Variants in YAE1 observed in about 807,000 individuals in gnomAD.
The protein encoded by YAE1 is protein YAE1 homolog.
In YAE1, 22 loss-of-function variants were observed where a neutral mutation model predicts 23.0. The ratio of observed to expected loss-of-function variants is 0.96; its 90% confidence interval spans 0.68 to 1.37. YAE1 has a LOEUF of 1.37. Among genes scored for constraint, YAE1 ranks in the 40% most tolerant of loss-of-function variants. The pLI, the probability that YAE1 is intolerant of heterozygous loss-of-function variation, is 0.00. For synonymous variants in YAE1, 101 were observed against 97.0 expected (o/e 1.04, Z -0.24); for missense variants, 260 against 262.1 (o/e 0.99, Z 0.06).
At chr7:39,570,113 C>T in intron 1 of YAE1, 1 of 966,702 alleles carries the variant, frequency 1.0e-6, no homozygotes, top group Non-Finnish European at 1.6e-6. Flanking sequence ...GCGTACGTTG[C>T]TCTGCCGCCT....
At chr7:39,591,107 T>G (rs564315395) in intron 2 of YAE1, among the ~76,000 whole-genome samples, 1 of 152,352 alleles carries the variant, frequency 6.6e-6, no homozygotes, top group East Asian at 1.9e-4. Flanking sequence ...GGTCATCTCT[T>G]TGTGTGCACA....
At position 39,591,690 on chromosome 7, in the gene YAE1, C is replaced by T. The variant is rs147759130; in HGVS notation, c.252-17927C>T. On this transcript the variant is annotated intron_variant, in intron 2 of 2. Coordinates refer to the YAE1 transcript ENST00000432096. ...ACTTACATTGATACGTTATTATCTC[C>T]GACAGTCCACAGTTTACATTAGCAT... Among the ~76,000 whole-genome samples, 15 of 151,254 alleles carry T rather than the reference C, an allele frequency of 9.9e-5. No homozygotes were observed. In the East Asian group the frequency reaches 1.4e-3, roughly 14 times the overall value.
In YAE1 at chr7:39,587,954, G is replaced by A. The variant is rs530071429; in HGVS notation, c.251+17327G>A. 2.5e-4 allele frequency among the ~76,000 whole-genome samples: 38 copies of A among 152,208 alleles called. 1 individual carries two copies. The highest frequency in any genetic ancestry group is 6.8e-3 in the Middle Eastern group (2 of 294). On this transcript the variant is annotated intron_variant, in intron 2 of 2. Transcript: ENST00000432096. ...CTACTTTTTAGTTTTTTAAAATCAC[G>A]ATTTAATCTCATTTAGTTTTCTTGG...
In YAE1 at chr7:39,605,848, T is replaced by C. The variant is rs1791122719; in HGVS notation, c.252-3769T>C. 1.3e-5 allele frequency among the ~76,000 whole-genome samples: 2 copies of C among 152,232 alleles called. 1 individual carries two copies. The highest frequency in any genetic ancestry group is 4.1e-4 in the South Asian group (2 of 4,832). On this transcript the variant is annotated intron_variant, in intron 2 of 2. Transcript: ENST00000432096. ...TAAATCGAGTATGTTCTCTAGATTA[T>C]CGTTTTTACTTCCTGCTGGGCTTTG...
downstream of YAE1, among the ~76,000 whole-genome samples, chr7:39,575,569 A>T (rs1391034981): frequency 1.1e-5 from 1 of 95,034 alleles, no homozygotes; most frequent in African/African-American, 7.2e-5. Flanking sequence ...AGAGAGAGAG[A>T]GAGAGAGAGT....
chr7:39,580,671 T>C (rs986747604), intron 2 of YAE1, among the ~76,000 whole-genome samples: 7 of 152,192 alleles, frequency 4.6e-5, no homozygotes, highest in Admixed American at 2.0e-4. Context: ...TTAGACCTCA[T>C]GGTCACAAGT....
chr7:39,580,231 A>G (rs567946748), intron 2 of YAE1, among the ~76,000 whole-genome samples: 12 of 152,324 alleles, frequency 7.9e-5, no homozygotes, highest in South Asian at 2.1e-4. Flanking sequence ...TAGACTTTCT[A>G]TCCTCCAAAC....
intron 1 of YAE1, chr7:39,569,779 A>G (rs952682612): frequency 2.5e-5 from 19 of 761,000 alleles, no homozygotes; most frequent in Non-Finnish European, 3.9e-5. Flanking sequence ...GAAACAAACC[A>G]TGATGAAACG....
At chr7:39,574,764 C>G (rs73375684), downstream of YAE1, among the ~76,000 whole-genome samples, 19,879 of 149,980 alleles carry the variant, frequency 0.13, 1,734 homozygotes, top group African/African-American at 0.25. Context: ...AATCCGACAG[C>G]CATGGTGTTA....
chr7:39,607,231 A>C (rs1306725895), intron 2 of YAE1, among the ~76,000 whole-genome samples: 1 of 152,128 alleles, frequency 6.6e-6, no homozygotes, highest in Non-Finnish European at 1.5e-5. Context: ...TGACCTCCCC[A>C]GTGTTGTCTA....
chr7:39,576,470 A>G (rs1346591014), downstream of YAE1, among the ~76,000 whole-genome samples: 1 of 152,144 alleles, frequency 6.6e-6, no homozygotes. Context: ...TCCATTCACC[A>G]TGCACACTAC....
rs1790586713 is a variant in YAE1 at position 39,572,478 on chromosome 7, G to C, written c.453G>C (p.Lys151Asn). Reference protein sequence around the residue: ...DLCHVVPAEKKIDEAKDERLC... With the variant: ...DLCHVVPAEKNIDEAKDERLC... ...GTCATGTAGTTCCAGCTGAGAAAAA[G>C]ATTGATGAAGCTAAAGATGAAAGAC... is the stretch of plus-strand genomic sequence containing the variant. Residue 151 changes from lysine (K) to asparagine (N), a missense_variant, in exon 3 of 3, where the codon AAG becomes AAC. By Grantham distance (94) the Lys-to-Asn change is moderately conservative. Coordinates refer to ENST00000223273, the MANE Select transcript of YAE1 (RefSeq NM_020192.5). The C allele has an allele frequency of 1.9e-6, 3 of 1,614,034 alleles. No individual in the cohort carries two copies. The highest frequency in any genetic ancestry group is 2.5e-6 in the Non-Finnish European group (3 of 1,179,996).
intron 2 of YAE1, among the ~76,000 whole-genome samples, chr7:39,590,376 A>G (rs1414793275): frequency 2.0e-5 from 3 of 152,188 alleles, no homozygotes; most frequent in African/African-American, 7.2e-5. Flanking sequence ...AGGGTTTTAT[A>G]TGGACTATGT....
At chr7:39,577,798 G>T (rs1432112291), downstream of YAE1, among the ~76,000 whole-genome samples, 1 of 152,246 alleles carries the variant, frequency 6.6e-6, no homozygotes, top group African/African-American at 2.4e-5. Flanking sequence ...CACGGTGCGG[G>T]ACTGGGAGGC....
chr7:39,569,753 C>T (rs1033201498), intron 1 of YAE1: 1 of 749,118 alleles, frequency 1.3e-6, no homozygotes, highest in Non-Finnish European at 2.5e-6. Context: ...ACGTACTACT[C>T]ATCTGAACAG....
rs1302610063 is a variant in YAE1, at chr7:39,570,510, G to A, written c.134G>A (p.Gly45Asp). 1.2e-6 allele frequency: 2 copies of A among 1,610,424 alleles called. No homozygotes were observed. Among genetic ancestry groups the A allele is most frequent in the South Asian group, 1.1e-5 (1 of 89,986 alleles). ...TTCTCCATTACTTATTTTTAGGAAG[G>A]TTATAGAGATGGAATAGATGCTGGC... is the stretch of plus-strand genomic sequence containing the variant. ...QSNMQRRVKE[G>D]YRDGIDAGKA... The change falls in exon 2 of 3, where the codon GGT (glycine) becomes GAT (aspartate). Residue 45 changes from glycine to aspartate, a missense_variant. Gly to Asp is a moderately conservative substitution (Grantham distance 94). Coordinates refer to ENST00000223273, the MANE Select transcript of YAE1 (RefSeq NM_020192.5).
At chr7:39,569,029 T>TCG (rs2115766475) in intron 1 of YAE1, among the ~76,000 whole-genome samples, 1 of 152,300 alleles carries the variant, frequency 6.6e-6, no homozygotes, top group Admixed American at 6.5e-5. Context: ...TGAGAAATAT[T>TCG]TTTCTCTAAA....
downstream of YAE1, among the ~76,000 whole-genome samples, chr7:39,575,132 C>G (rs1417916537): frequency 6.6e-6 from 1 of 152,164 alleles, no homozygotes; most frequent in African/African-American, 2.4e-5. Flanking sequence ...CAAGATTGCC[C>G]CAGAGCTGGC....
At chr7:39,573,981 C>CA (rs1790614744), downstream of YAE1, among the ~76,000 whole-genome samples, 1 of 152,142 alleles carries the variant, frequency 6.6e-6, no homozygotes. Context: ...GGACACAGCC[C>CA]AAATCTCAAC....
Sources: allele counts gnomAD v4.1 joint callset (sites outside exome capture counted in the v4.1 genomes callset), GRCh38; gene constraint gnomAD v4.1.1; transcripts MANE v1.5; gene names NCBI Gene and HGNC (gene_info 2026-07-23, HGNC 2026-07-21).